Variants in USB1 observed in about 807,000 individuals in gnomAD.
USB1 encodes the protein U6 snRNA biogenesis phosphodiesterase 1, also known as U6 snRNA phosphodiesterase 1.
USB1 carries 21 observed loss-of-function variants against 29.9 expected under a neutral mutation model. The ratio of observed to expected loss-of-function variants is 0.70; its 90% CI spans 0.50 to 1.01. The LOEUF is 1.01. USB1 is among the 50% of genes least tolerant of loss of function. The pLI is 0.00. For synonymous variants in USB1, 143 were observed against 134.9 expected (o/e 1.06, Z -0.42); for missense variants, 330 against 347.1 (o/e 0.95, Z 0.39).
intron 4 of USB1, chr16:58,015,432 A>T: frequency 6.6e-6 from 1 of 152,316 alleles, no homozygotes; most frequent in African/African-American, 2.4e-5. Flanking sequence ...TGTCTGATGC[A>T]CTCACTGGGC....
At chr16:58,012,866 C>T (rs766807078) in intron 3 of USB1, 94 of 987,138 alleles carry the variant, frequency 9.5e-5, no homozygotes, top group Non-Finnish European at 6.4e-5. Context: ...TAACTGGGCA[C>T]GAGTCCCTTG....
chr16:58,001,842 A>G (rs1376233553), intron 1 of USB1, among the ~76,000 whole-genome samples: 2 of 149,000 alleles, frequency 1.3e-5, no homozygotes, highest in Admixed American at 7.0e-5. Flanking sequence ...GGCCCACTCT[A>G]TCGCCTGGCA....
chr16:58,011,895 T>C (rs1348320777), intron 3 of USB1: 10 of 1,003,758 alleles, frequency 1.0e-5, no homozygotes, highest in Non-Finnish European at 1.2e-5. Flanking sequence ...TGAGGGAGCC[T>C]AGAGAATATC....
chr16:58,019,302 T>A (rs145066754), intron 6 of USB1, among the ~76,000 whole-genome samples: 3 of 148,132 alleles, frequency 2.0e-5, no homozygotes, highest in Non-Finnish European at 4.5e-5. Flanking sequence ...GAAATCAGAA[T>A]TACATTTTAA....
At chr16:58,001,317 G>C (rs1963178253), upstream of USB1, 2 of 782,254 alleles carry the variant, frequency 2.6e-6, no homozygotes, top group Non-Finnish European at 4.2e-6. Flanking sequence ...GGAGTCGGTG[G>C]GCTGAATCTT....
At chr16:58,009,878 A>T (rs957499616) in intron 2 of USB1, 51 bp from the exon 3 acceptor site, 1 of 1,612,506 alleles carries the variant, frequency 6.2e-7, no homozygotes, top group Non-Finnish European at 8.5e-7. Context: ...TCATTCAGCC[A>T]TGGCACCTTG....
chr16:58,012,020 A>G, intron 3 of USB1: 1 of 1,193,744 alleles, frequency 8.4e-7, no homozygotes, highest in Non-Finnish European at 1.0e-6. Context: ...GTTGCACAAA[A>G]GCCTGATGTG....
In USB1 at chr16:58,009,926, C is replaced by T. The variant is rs1339431665; in HGVS notation, c.266-3C>T. Reference sequence around the variant, plus strand: ...GCCCGCCCTCTTTACTCCTCCCCTCCAGATGAAGCCAAGGAGGAGTTCCTG... The same window carrying T: ...GCCCGCCCTCTTTACTCCTCCCCTCTAGATGAAGCCAAGGAGGAGTTCCTG... On this transcript the variant is annotated splice_polypyrimidine_tract_variant and splice_region_variant and intron_variant, in intron 2 of 6. Coordinates refer to ENST00000219281, the MANE Select transcript of USB1 (RefSeq NM_024598.4). The T allele has an allele frequency of 6.2e-7, 1 of 1,613,948 alleles. No individual in the cohort carries two copies. Among genetic ancestry groups the T allele is most frequent in the African/African-American group, 1.3e-5 (1 of 74,890 alleles).
At chr16:58,017,515 A>C in intron 5 of USB1, 76 bp downstream of exon 5, 1 of 1,396,966 alleles carries the variant, frequency 7.2e-7, no homozygotes, top group Non-Finnish European at 1.0e-6. Flanking sequence ...AAGCCCTCGT[A>C]AGAGGCAAAC....
intron 3 of USB1, chr16:58,011,141 A>C (rs1156706061): frequency 7.4e-7 from 1 of 1,345,502 alleles, no homozygotes; most frequent in Non-Finnish European, 1.0e-6. Context: ...AGAACAAAAG[A>C]TGCTCCTAGC....
At chr16:58,006,352 C>CAAAAAAAAAAAAAACCAAAAAA (rs1963355092) in intron 2 of USB1, among the ~76,000 whole-genome samples, 1 of 94,930 alleles carries the variant, frequency 1.1e-5, no homozygotes, top group Non-Finnish European at 2.1e-5. Context: ...AACCTCGTTT[C>CAAAAAAAAAAAAAACCAAAAAA]AAAAAAAAAA....
At chr16:58,006,363 A>C (rs1395966242) in intron 2 of USB1, among the ~76,000 whole-genome samples, 32 of 144,772 alleles carry the variant, frequency 2.2e-4, no homozygotes, top group Non-Finnish European at 3.8e-4. Context: ...AAAAAAAAAA[A>C]AAAACAAAAA....
At chr16:58,001,396 C>A, upstream of USB1, 1 of 1,492,378 alleles carries the variant, frequency 6.7e-7, no homozygotes, top group Non-Finnish European at 9.1e-7. Context: ...AGGCCCCGCC[C>A]CTGGGAGGGC....
At chr16:58,012,294 A>G (rs1305327197) in intron 3 of USB1, 2 of 1,535,476 alleles carry the variant, frequency 1.3e-6, no homozygotes, top group South Asian at 2.4e-5. Flanking sequence ...GATTGATTGT[A>G]TATTATCAGG....
chr16:58,009,501 C>T (rs989259496), intron 2 of USB1, among the ~76,000 whole-genome samples: 7 of 151,898 alleles, frequency 4.6e-5, no homozygotes, highest in South Asian at 2.1e-4. Flanking sequence ...GGGCGGATCA[C>T]GAGGTCAGGA....
chr16:58,005,565 A>G (rs530692145), intron 2 of USB1, among the ~76,000 whole-genome samples: 2 of 152,122 alleles, frequency 1.3e-5, no homozygotes, highest in Admixed American at 1.3e-4. Context: ...TAGAGCGAGG[A>G]TTATTATATA....
In USB1 at chr16:58,006,502, T is replaced by TA. The variant is rs370177963; in HGVS notation, c.266-3426dup. Among the ~76,000 whole-genome samples, 726 of 149,564 alleles carry TA rather than the reference T, an allele frequency of 4.9e-3. 5 individuals are homozygous for TA. The highest frequency in any genetic ancestry group is 0.017 in the African/African-American group (683 of 40,492). ...GCGAAACCCCCATCTCTACTAAAAA[T>TA]ACAAAAATTAGCTGGGCATGGTGGC... On this transcript the variant is annotated intron_variant, in intron 2 of 6. Transcript: ENST00000219281.
Position 58,013,062 on chromosome 16 carries a change from C to T in USB1, c.450-1211C>T. ...GCCCGGGCAGGTGTGGTCTGTTCAA[C>T]TTTGATCATCTGGTTGAGCCTAAGG... On this transcript the variant is annotated intron_variant, in intron 3 of 6. Coordinates refer to ENST00000219281, the MANE Select transcript of USB1 (RefSeq NM_024598.4). The surrounding 1 kb of genome is among the most constrained non-coding windows in gnomAD (Gnocchi z 4.3). 1 of 985,536 alleles carries T rather than the reference C, an allele frequency of 1.0e-6. No homozygotes were observed. The highest frequency in any genetic ancestry group is 1.2e-6 in the Non-Finnish European group (1 of 830,034). The allele number at this position is 985,536 out of a possible 1,614,324, so 61.0% of individuals were successfully genotyped here.
chr16:58,000,683 G>A (rs918004440), upstream of USB1, among the ~76,000 whole-genome samples: 2 of 149,360 alleles, frequency 1.3e-5, no homozygotes, highest in Non-Finnish European at 3.0e-5. The surrounding 1 kb of genome is among the most constrained non-coding windows in gnomAD (Gnocchi z 4.5). Context: ...GGACGGGCGG[G>A]CGGCGCGGGG....
Sources: gnomAD v4.1 joint callset for allele counts (sites outside exome capture counted in the v4.1 genomes callset) on GRCh38, gnomAD v4.1.1 for gene constraint, Gnocchi (gnomAD v3.1) non-coding constraint, MANE v1.5 for transcripts, NCBI Gene and HGNC (gene_info 2026-07-23, HGNC 2026-07-21) for gene names.